The following ALPK3 variants were observed in gnomAD, a reference collection of about 807,000 sequenced individuals.
The protein encoded by ALPK3 is alpha-protein kinase 3.
In ALPK3, 102 loss-of-function variants were observed where a neutral mutation model predicts 140.0. The ratio of observed to expected loss-of-function variants is 0.73; its 90% CI spans 0.62 to 0.86. The LOEUF (loss-of-function observed/expected upper bound fraction) is 0.86, where lower values mean the gene tolerates loss of function less well. ALPK3 is among the 40% of genes least tolerant of loss of function. The probability of loss-of-function intolerance (pLI) is 0.00; values close to 1 mark genes in which losing one functional copy is unlikely to be tolerated. For synonymous variants in ALPK3, 938 were observed against 898.5 expected, an observed-to-expected ratio of 1.04 and a Z score of -0.79; for missense variants, 2,254 against 2,208.2, an observed-to-expected ratio of 1.02 and a Z score of -0.42.
chr15:84,820,054 T>G (rs543165570), intron 1 of ALPK3, among the ~76,000 whole-genome samples: 1 of 152,196 alleles, frequency 6.6e-6, no homozygotes, highest in African/African-American at 2.4e-5. Context: ...TCACCCGGCA[T>G]CTAGGACCTC....
rs1173256548 is a variant in ALPK3 at position 84,857,202 on chromosome 15, C to T, written c.2464C>T (p.Gln822Ter). 6.2e-7 allele frequency: 1 copy of T among 1,614,036 alleles called. No individual in the cohort carries two copies. Among genetic ancestry groups the T allele is most frequent in the Non-Finnish European group, 8.5e-7 (1 of 1,179,956 alleles). ...GGGAGGAGAGAGATGCCGAGGGCCA[C>T]AGTCATCAGGCCCAGTCGAGGCCAA... ...QVGGERCRGP[Q>*]SSGPVEAKQE... is the part of the protein sequence containing the mutation. The change falls in exon 6 of 14, where the codon CAG (glutamine) becomes TAG (stop). Residue 822 changes from glutamine to a stop codon, truncating the protein, a stop_gained. Transcript: ENST00000258888. LOFTEE classifies it high-confidence loss of function.
chr15:84,850,891 C>CACACACACAG (rs1555435100), intron 5 of ALPK3, among the ~76,000 whole-genome samples: 3 of 151,606 alleles, frequency 2.0e-5, no homozygotes, highest in Non-Finnish European at 2.9e-5. Context: ...CACACACACA[C>CACACACACAG]ACACACACAC....
chr15:84,865,226 C>T (rs1386769820), intron 12 of ALPK3, among the ~76,000 whole-genome samples: 1 of 152,208 alleles, frequency 6.6e-6, no homozygotes, highest in Non-Finnish European at 1.5e-5. Context: ...CTCCTTCCTT[C>T]TTCAACCAGC....
intron 3 of ALPK3, 129 bp from the exon 4 acceptor site, chr15:84,838,851 A>T (rs552265812): frequency 4.4e-6 from 3 of 685,348 alleles, no homozygotes; most frequent in Admixed American, 4.5e-5. Flanking sequence ...TAAACTCCTG[A>T]CCTCAGGTGA....
chr15:84,854,136 A>C (rs542026070), intron 5 of ALPK3, among the ~76,000 whole-genome samples: 1 of 150,966 alleles, frequency 6.6e-6, no homozygotes, highest in South Asian at 2.1e-4. Flanking sequence ...TATTCCTTTG[A>C]TTTTGTGTGT....
At position 84,856,943 on chromosome 15, in the gene ALPK3, A is replaced by C; in HGVS notation, c.2205A>C (p.Pro735=). 1 of 1,614,102 alleles carries C rather than the reference A, an allele frequency of 6.2e-7. No individual in the cohort carries two copies. Among genetic ancestry groups the C allele is most frequent in the Non-Finnish European group, 8.5e-7 (1 of 1,180,002 alleles). The part of the protein sequence containing the change: ...EQEVATSLGP[P]SRTPKLPPTA... The stretch of plus-strand genomic sequence containing the variant: ...AGGTGGCAACCAGCCTCGGCCCACC[A>C]TCCAGAACCCCCAAACTCCCACCTA... The change falls in exon 6 of 14, where the codon CCA becomes CCC. Residue 735 remains proline, a synonymous_variant. Transcript: ENST00000258888.
Position 84,825,472 on chromosome 15 carries a change from G to C in ALPK3, c.183-2012G>C, listed in dbSNP as rs188310744. Among the ~76,000 whole-genome samples the C allele has an allele frequency of 4.9e-4, 75 of 152,308 alleles. No homozygotes were observed. In the East Asian group the frequency reaches 0.011, roughly 23 times the overall value. On this transcript the variant is annotated intron_variant, in intron 2 of 13. Coordinates refer to ENST00000258888, the MANE Select transcript of ALPK3 (RefSeq NM_020778.5). The stretch of plus-strand genomic sequence containing the variant: ...TTACAGGCGTGACCCACTGCACCTG[G>C]CCTGTTTTTCATTATCTAGCATGAG...
intron 5 of ALPK3, among the ~76,000 whole-genome samples, chr15:84,854,985 C>T (rs1963844273): frequency 6.6e-6 from 1 of 152,210 alleles, no homozygotes; most frequent in African/African-American, 2.4e-5. Flanking sequence ...TGGTGATTTC[C>T]TCAAGCAGGG....
chr15:84,868,319 C>T lies in ALPK3; in HGVS notation c.4981C>T (p.Leu1661Phe). Reference protein sequence around the residue: ...QLSPQPQKKGLPSPQGTRKSA... With the variant: ...QLSPQPQKKGFPSPQGTRKSA... Reference sequence around the variant, plus strand: ...GAGTCCTCAGCCCCAGAAGAAAGGCCTCCCTAGTCCTCAGGGCACCCGGAA... The same window carrying T: ...GAGTCCTCAGCCCCAGAAGAAAGGCTTCCCTAGTCCTCAGGGCACCCGGAA... The change falls in exon 14 of 14, where the codon CTC (leucine) becomes TTC (phenylalanine). Residue 1661 changes from leucine to phenylalanine, a missense_variant. This residue lies in a region of ALPK3 where 158 missense variants were observed against 159.8 expected (regional missense o/e 0.99). Coordinates refer to ENST00000258888, the MANE Select transcript of ALPK3 (RefSeq NM_020778.5). The T allele has an allele frequency of 6.2e-7, 1 of 1,614,144 alleles. No homozygotes were observed. The highest frequency in any genetic ancestry group is 1.3e-5 in the African/African-American group (1 of 75,060).
intron 5 of ALPK3, among the ~76,000 whole-genome samples, chr15:84,845,338 A>G (rs1963716407): frequency 1.3e-5 from 2 of 152,168 alleles, no homozygotes; most frequent in South Asian, 2.1e-4. Flanking sequence ...CTTCCCCTCT[A>G]TTCAGAGGAG....
intron 2 of ALPK3, among the ~76,000 whole-genome samples, chr15:84,826,305 GGACA>G (rs1309530655): frequency 6.6e-6 from 1 of 152,202 alleles, no homozygotes; most frequent in African/African-American, 2.4e-5. Context: ...GAGAGGCCAT[GGACA>G]GACAAACATT....
At chr15:84,817,643 G>T (rs1181379212) in intron 1 of ALPK3, 48 bp downstream of exon 1, 2 of 1,457,204 alleles carry the variant, frequency 1.4e-6, no homozygotes, top group Admixed American at 4.8e-5. Flanking sequence ...CGATGCCCTG[G>T]GATCAGTCCC....
At position 84,868,140 on chromosome 15, in the gene ALPK3, C is replaced by G; in HGVS notation, c.4802C>G (p.Pro1601Arg). The G allele has an allele frequency of 6.2e-7, 1 of 1,613,158 alleles. No homozygotes were observed. The highest frequency in any genetic ancestry group is 8.5e-7 in the Non-Finnish European group (1 of 1,179,314). The change falls in exon 14 of 14, where the codon CCT becomes CGT. Residue 1601 changes from proline to arginine, a missense_variant. By Grantham distance (103) the Pro-to-Arg change is moderately radical (BLOSUM62 -2). Around this residue, in one of 3 missense-constraint regions of ALPK3, gnomAD observed 158 missense variants for 159.8 expected, o/e 0.99. Transcript: ENST00000258888. The part of the protein sequence containing the change: ...GYQGLKESCF[P>R]ALLDRFASSH... ...CAGGGCCTCAAGGAAAGCTGCTTCC[C>G]TGCCCTGCTGGACCGGTTCGCCTCC...
rs1963638864 is a variant in ALPK3, at chr15:84,839,931, C to G, written c.652C>G (p.Pro218Ala). Residue 218 changes from proline to alanine, a missense_variant, in exon 5 of 14, where the codon CCC becomes GCC. Pro to Ala is a conservative substitution (Grantham distance 27, BLOSUM62 -1). Coordinates refer to ENST00000258888, the MANE Select transcript of ALPK3 (RefSeq NM_020778.5). ...GGTCGACACTCTGCGCAAGCTCAGC[C>G]CCGACCGCTTCCAGCGAAAGCGGCG... ...GEVDTLRKLS[P>A]DRFQRKRRLS... The G allele has an allele frequency of 6.2e-7, 1 of 1,613,654 alleles. No homozygotes were observed. Among genetic ancestry groups the G allele is most frequent in the Non-Finnish European group, 8.5e-7 (1 of 1,179,892 alleles).
At chr15:84,848,500 G>A (rs1236806698) in intron 5 of ALPK3, among the ~76,000 whole-genome samples, 1 of 151,848 alleles carries the variant, frequency 6.6e-6, no homozygotes, top group Non-Finnish European at 1.5e-5. Context: ...AAGTTAAAGT[G>A]GAATACTAAA....
rs1415943271 is a variant in ALPK3, at chr15:84,858,088, A to C, written c.3350A>C (p.Glu1117Ala). 1 of 1,567,598 alleles carries C rather than the reference A, an allele frequency of 6.4e-7. No homozygotes were observed. The highest frequency in any genetic ancestry group is 1.2e-5 in the South Asian group (1 of 82,798). The change falls in exon 6 of 14, where the codon GAG (glutamate) becomes GCG (alanine). Residue 1117 changes from glutamate to alanine, a missense_variant. Around this residue, in one of 3 missense-constraint regions of ALPK3, gnomAD observed 2,088 missense variants for 2,022.9 expected, o/e 1.03. Transcript: ENST00000258888. ...AGCAGCATGGCTGGTCGACTGGGGGAGGCGGGTGGGCAGGCAGCCCCTGGA... is the reference window on the plus strand; with the variant it reads ...AGCAGCATGGCTGGTCGACTGGGGGCGGCGGGTGGGCAGGCAGCCCCTGGA... ...QESSMAGRLGEAGGQAAPGQG... is the reference protein window; with the variant it reads ...QESSMAGRLGAAGGQAAPGQG...
chr15:84,857,336 G>A lies in ALPK3; in HGVS notation c.2598G>A (p.Thr866=), dbSNP rs200842914. 1.4e-5 allele frequency: 22 copies of A among 1,614,020 alleles called. No individual in the cohort carries two copies. The highest frequency in any genetic ancestry group is 4.0e-5 in the African/African-American group (3 of 74,940). ...PLAGLSQEVP[T]MPSLPGTGLT... ...CTGGCCTGAGCCAGGAGGTACCCAC[G>A]ATGCCTTCTCTTCCTGGAACTGGGC... The change falls in exon 6 of 14, where the codon ACG becomes ACA. Residue 866 remains threonine, a synonymous_variant. Transcript: ENST00000258888.
chr15:84,861,467 G>T (rs1028494471), intron 9 of ALPK3, among the ~76,000 whole-genome samples: 1 of 152,114 alleles, frequency 6.6e-6, no homozygotes, highest in Admixed American at 6.5e-5. Flanking sequence ...TTTTAGTAAT[G>T]TTAAGGTTGG....
At position 84,859,885 on chromosome 15, in the gene ALPK3, T is replaced by A. The variant is rs1028376315; in HGVS notation, c.4075T>A (p.Phe1359Ile). 1 of 1,613,944 alleles carries A rather than the reference T, an allele frequency of 6.2e-7. No individual in the cohort carries two copies. The highest frequency in any genetic ancestry group is 8.5e-7 in the Non-Finnish European group (1 of 1,180,036). ...TGAGCACGGCTCGGCCTCCACCGACTTCTGCCTCAGCCCTGAGGGTGAGTG... is the reference window on the plus strand; with the variant it reads ...TGAGCACGGCTCGGCCTCCACCGACATCTGCCTCAGCCCTGAGGGTGAGTG... ...HNEHGSASTD[F>I]CLSPEVLSGF... Residue 1359 changes from phenylalanine (F) to isoleucine (I), a missense_variant, in exon 8 of 14, where the codon TTC becomes ATC. Transcript: ENST00000258888.
Sources: allele counts gnomAD v4.1 joint callset (sites outside exome capture counted in the v4.1 genomes callset), GRCh38; gene constraint gnomAD v4.1.1; regional missense constraint gnomAD v4.1.1; transcripts MANE v1.5; gene names NCBI Gene and HGNC (gene_info 2026-07-23, HGNC 2026-07-21).